Variants in ZNF804B observed in about 807,000 individuals in gnomAD.
ZNF804B encodes zinc finger protein 804B, also known as zinc finger 804B.
In ZNF804B, 80 loss-of-function variants were observed where a neutral mutation model predicts 101.4. The observed-to-expected ratio is 0.79, with a 90% CI of 0.66 to 0.95. The LOEUF is 0.95. Ranked by LOEUF, ZNF804B falls within the 40% of genes least tolerant of loss-of-function variation. The pLI, the probability that ZNF804B is intolerant of heterozygous loss-of-function variation, is 0.00. For synonymous variants in ZNF804B, 622 were observed against 558.8 expected (o/e 1.11, Z -1.59); for missense variants, 1,673 against 1,561.9 (o/e 1.07, Z -1.20).
At chr7:89,150,759 G>C (rs9649118) in intron 1 of ZNF804B, among the ~76,000 whole-genome samples, 22,379 of 152,064 alleles carry the variant, frequency 0.15, 1,743 homozygotes, top group Admixed American at 0.16. Context: ...TCCAAATGAA[G>C]AGTGAGAGAC....
intron 1 of ZNF804B, among the ~76,000 whole-genome samples, chr7:89,148,046 C>G (rs1790816232): frequency 6.6e-6 from 1 of 151,924 alleles, no homozygotes; most frequent in African/African-American, 2.4e-5. Context: ...AAACCAATCC[C>G]TGGTGCCAAA....
At chr7:89,047,321 C>A (rs1789124881) in intron 1 of ZNF804B, among the ~76,000 whole-genome samples, 1 of 152,118 alleles carries the variant, frequency 6.6e-6, no homozygotes, top group African/African-American at 2.4e-5. Flanking sequence ...AAATTTCTTT[C>A]ACCAGATTAT....
intron 1 of ZNF804B, among the ~76,000 whole-genome samples, chr7:88,911,239 G>A (rs1298502775): frequency 2.6e-5 from 4 of 151,776 alleles, no homozygotes; most frequent in Non-Finnish European, 4.4e-5. Context: ...CATTCCCTAA[G>A]TAGGATTTTA....
At chr7:89,089,182 T>C (rs73391265) in intron 1 of ZNF804B, among the ~76,000 whole-genome samples, 3,903 of 152,030 alleles carry the variant, frequency 0.026, 176 homozygotes, top group African/African-American at 0.086. Context: ...TAACTACTTT[T>C]TATTGATTTT....
intron 1 of ZNF804B, among the ~76,000 whole-genome samples, chr7:88,861,009 AT>A (rs1413469294): frequency 6.6e-6 from 1 of 152,132 alleles, no homozygotes; most frequent in Non-Finnish European, 1.5e-5. Flanking sequence ...ATTATGCTAA[AT>A]TTCTGCCCAG....
At chr7:89,132,911 G>A (rs6952274) in intron 1 of ZNF804B, among the ~76,000 whole-genome samples, 45,116 of 151,798 alleles carry the variant, frequency 0.3, 7,233 homozygotes, top group East Asian at 0.57. Flanking sequence ...AGAGAGGAAG[G>A]GGCTGAGATT....
At chr7:88,906,113 G>T (rs1792466304) in intron 1 of ZNF804B, among the ~76,000 whole-genome samples, 1 of 151,758 alleles carries the variant, frequency 6.6e-6, no homozygotes, top group Admixed American at 6.6e-5. Flanking sequence ...TGTAGAATGG[G>T]TTGTAATATT....
chr7:89,107,747 T>G (rs1168153383), intron 1 of ZNF804B, among the ~76,000 whole-genome samples: 2 of 152,134 alleles, frequency 1.3e-5, no homozygotes, highest in Non-Finnish European at 2.9e-5. Context: ...ACAATGGAGT[T>G]GTATCCTATG....
chr7:89,210,849 G>T (rs1562917075), intron 1 of ZNF804B, among the ~76,000 whole-genome samples: 1 of 152,022 alleles, frequency 6.6e-6, no homozygotes. Context: ...TATTCCTTTG[G>T]GTATATACCC....
At chr7:88,882,466 A>G (rs1347717014) in intron 1 of ZNF804B, among the ~76,000 whole-genome samples, 1 of 152,156 alleles carries the variant, frequency 6.6e-6, no homozygotes, top group East Asian at 1.9e-4. Context: ...CAGTTTGGAG[A>G]TTTCTCAAAG....
intron 2 of ZNF804B, among the ~76,000 whole-genome samples, chr7:89,227,468 G>A (rs566296678): frequency 1.3e-5 from 2 of 152,150 alleles, no homozygotes; most frequent in East Asian, 3.9e-4. Context: ...CATCCTCATG[G>A]AGCTAACATT....
At chr7:88,929,886 A>G (rs1792857614) in intron 1 of ZNF804B, among the ~76,000 whole-genome samples, 1 of 151,934 alleles carries the variant, frequency 6.6e-6, no homozygotes, top group African/African-American at 2.4e-5. Context: ...TAATATATTT[A>G]TGTCTTTACA....
intron 1 of ZNF804B, among the ~76,000 whole-genome samples, chr7:89,174,209 C>T (rs1562905501): frequency 6.6e-6 from 1 of 151,880 alleles, no homozygotes; most frequent in African/African-American, 2.4e-5. Flanking sequence ...TACTTTTCTG[C>T]CCATTAACAA....
intron 2 of ZNF804B, among the ~76,000 whole-genome samples, chr7:89,267,844 G>T (rs992588482): frequency 1.3e-5 from 2 of 152,098 alleles, no homozygotes; most frequent in Non-Finnish European, 2.9e-5. Context: ...AAGAGGAAGA[G>T]AATTTGGAGA....
At position 88,880,868 on chromosome 7, in the gene ZNF804B, C is replaced by T. The variant is rs192055219; in HGVS notation, c.108+120784C>T. Reference sequence around the variant, plus strand: ...TTTGTACTGTTCTAACATCTATTACCTTAATTTAATGGCTAGTGAACATTA... The same window carrying T: ...TTTGTACTGTTCTAACATCTATTACTTTAATTTAATGGCTAGTGAACATTA... On this transcript the variant is annotated intron_variant, in intron 1 of 3. Coordinates refer to ENST00000333190, the MANE Select transcript of ZNF804B (RefSeq NM_181646.5). Among the ~76,000 whole-genome samples, 880 of 152,034 alleles carry T rather than the reference C, an allele frequency of 5.8e-3. 7 individuals carry two copies. Among genetic ancestry groups the T allele is most frequent in the African/African-American group, 0.02 (837 of 41,502 alleles).
At chr7:88,816,464 C>A (rs1011785217) in intron 1 of ZNF804B, among the ~76,000 whole-genome samples, 10 of 152,036 alleles carry the variant, frequency 6.6e-5, no homozygotes, top group African/African-American at 1.4e-4. Flanking sequence ...AATGGGAGAA[C>A]ATTTTTGCAA....
chr7:89,134,608 A>G (rs1229461740), intron 1 of ZNF804B, among the ~76,000 whole-genome samples: 4 of 152,066 alleles, frequency 2.6e-5, no homozygotes, highest in African/African-American at 9.7e-5. Context: ...CCTTTCCCAC[A>G]GCGTTCCTGC....
At chr7:89,139,620 A>C (rs79170771) in intron 1 of ZNF804B, among the ~76,000 whole-genome samples, 386 of 151,928 alleles carry the variant, frequency 2.5e-3, no homozygotes, top group African/African-American at 8.6e-3. Flanking sequence ...CAAAAAAAAG[A>C]AAAAAAACAC....
chr7:88,992,780 A>G (rs988317819), intron 1 of ZNF804B, among the ~76,000 whole-genome samples: 1 of 152,010 alleles, frequency 6.6e-6, no homozygotes, highest in African/African-American at 2.4e-5. Context: ...ATCTTGGTGG[A>G]CCACTTTTAG....
Sources: gnomAD v4.1 joint callset for allele counts (sites outside exome capture counted in the v4.1 genomes callset) on GRCh38, gnomAD v4.1.1 for gene constraint, MANE v1.5 for transcripts, NCBI Gene and HGNC (gene_info 2026-07-23, HGNC 2026-07-21) for gene names.